YEATS2: variants seen among roughly 807,000 people sequenced by gnomAD.
The protein encoded by YEATS2 is YEATS domain containing 2.
A neutral mutation model predicts 163.2 loss-of-function variants in YEATS2; 77 were observed. The ratio of observed to expected loss-of-function variants is 0.47; its 90% CI spans 0.39 to 0.57. The LOEUF is 0.57. YEATS2 is among the 20% of genes least tolerant of loss of function. The pLI is 0.00. For missense variants in YEATS2, 1,549 were observed against 1,729.8 expected (o/e 0.90, Z 1.85); for synonymous variants, 631 against 645.1 (o/e 0.98, Z 0.33).
chr3:183,725,606 T>G (rs572748314), intron 6 of YEATS2, among the ~76,000 whole-genome samples: 2 of 152,160 alleles, frequency 1.3e-5, no homozygotes, highest in Non-Finnish European at 2.9e-5. Flanking sequence ...TATAAAACTG[T>G]CAGATCTTAT....
chr3:183,758,669 G>T (rs1343712411), intron 12 of YEATS2, among the ~76,000 whole-genome samples, 193 bp from the exon 13 acceptor site: 1 of 150,194 alleles, frequency 6.7e-6, no homozygotes, highest in African/African-American at 2.4e-5. Context: ...TTCAGGTTGA[G>T]CATGAGATCA....
intron 19 of YEATS2, among the ~76,000 whole-genome samples, chr3:183,782,234 C>T (rs1431389146): frequency 2.0e-5 from 3 of 152,014 alleles, no homozygotes; most frequent in East Asian, 3.9e-4. Flanking sequence ...CTCAGCCTCC[C>T]GAGTAGCTGG....
At position 183,810,844 on chromosome 3, in the gene YEATS2, T is replaced by G. The variant is rs894706166; in HGVS notation, c.*261T>G. 1 of 456,998 alleles carries G rather than the reference T, an allele frequency of 2.2e-6. No homozygotes were observed. Among genetic ancestry groups the G allele is most frequent in the Non-Finnish European group, 4.0e-6 (1 of 248,066 alleles). 28.3% of individuals were successfully genotyped at this position (456,998 alleles called of 1,614,324 possible). On this transcript the variant is annotated 3_prime_UTR_variant, in exon 31 of 31. Coordinates refer to ENST00000305135, the MANE Select transcript of YEATS2 (RefSeq NM_018023.5). ...TGTCGGCCAGCGTTTCTGCAGTCTT[T>G]GTAAAGGCCCCACGAGAGCGGGCCA...
intron 21 of YEATS2, among the ~76,000 whole-genome samples, chr3:183,795,778 C>G (rs375468471): frequency 1.3e-5 from 2 of 152,020 alleles, no homozygotes; most frequent in Admixed American, 6.6e-5. Context: ...CATAAAAATA[C>G]GGGAACTTCA....
At chr3:183,757,777 T>A (rs901681607) in intron 12 of YEATS2, among the ~76,000 whole-genome samples, 6 of 152,104 alleles carry the variant, frequency 3.9e-5, no homozygotes, top group African/African-American at 1.4e-4. Context: ...GCAGTTTTTT[T>A]TTTTTTTGGA....
At chr3:183,745,721 C>T (rs1205923575) in intron 8 of YEATS2, among the ~76,000 whole-genome samples, 1 of 152,140 alleles carries the variant, frequency 6.6e-6, no homozygotes, top group Non-Finnish European at 1.5e-5. Context: ...TAGTCATTTA[C>T]TCTCTCCTTA....
At chr3:183,728,255 T>A (rs1717330269) in intron 6 of YEATS2, among the ~76,000 whole-genome samples, 1 of 152,114 alleles carries the variant, frequency 6.6e-6, no homozygotes. Flanking sequence ...TTAGGTGGGA[T>A]GATTGTAGTT....
intron 20 of YEATS2, among the ~76,000 whole-genome samples, chr3:183,789,195 T>A (rs1177130479): frequency 1.3e-5 from 2 of 152,182 alleles, no homozygotes; most frequent in Non-Finnish European, 2.9e-5. Context: ...AGGAAATCTT[T>A]GCCCAAACCG....
chr3:183,712,879 G>T (rs925040638), intron 1 of YEATS2, among the ~76,000 whole-genome samples: 7 of 151,868 alleles, frequency 4.6e-5, no homozygotes, highest in African/African-American at 1.7e-4. Flanking sequence ...TCCTGCCTTA[G>T]CCTCACAAGT....
chr3:183,700,460 A>G (rs76222311), intron 1 of YEATS2, among the ~76,000 whole-genome samples: 1,552 of 152,046 alleles, frequency 0.01, 23 homozygotes, highest in African/African-American at 0.034. Context: ...ATTGTTCCCT[A>G]TCTCCCTGCC....
At chr3:183,733,829 G>A (rs965782622) in intron 7 of YEATS2, among the ~76,000 whole-genome samples, 3 of 152,024 alleles carry the variant, frequency 2.0e-5, no homozygotes, top group South Asian at 2.1e-4. Flanking sequence ...CCTAAAAGCC[G>A]TGATTGTGAA....
chr3:183,780,478 G>A (rs75092274), intron 19 of YEATS2, among the ~76,000 whole-genome samples: 4,864 of 152,260 alleles, frequency 0.032, 122 homozygotes, highest in Non-Finnish European at 0.051. Flanking sequence ...TCTGTTTTTC[G>A]TAGTTGCTTG....
intron 20 of YEATS2, among the ~76,000 whole-genome samples, chr3:183,787,312 T>C (rs900991855): frequency 3.3e-5 from 5 of 152,186 alleles, no homozygotes; most frequent in African/African-American, 2.4e-5. Flanking sequence ...GTGGCTACAT[T>C]ATTTTAGATT....
At position 183,747,622 on chromosome 3, in the gene YEATS2, T is replaced by C. The variant is rs182252669; in HGVS notation, c.925-50T>C. On this transcript the variant is annotated intron_variant, in intron 8 of 30. Coordinates refer to ENST00000305135, the MANE Select transcript of YEATS2 (RefSeq NM_018023.5). ...ATAAAGATTGTATCCTATGATAATA[T>C]GTAAGTAAGTGCAGTGAAATTTAAC... 2.7e-4 allele frequency: 403 copies of C among 1,507,892 alleles called. No individual in the cohort carries two copies. The African/African-American group carries it at 5.0e-3, about 19-fold the overall frequency. 93.4% of individuals were successfully genotyped at this position (1,507,892 alleles called of 1,614,324 possible). A position where few individuals can be genotyped will look rare whatever the true frequency, so the allele number is the denominator to read the frequency against.
At chr3:183,716,402 G>C (rs1405045290) in intron 2 of YEATS2, among the ~76,000 whole-genome samples, 2 of 152,210 alleles carry the variant, frequency 1.3e-5, no homozygotes, top group Non-Finnish European at 2.9e-5. Flanking sequence ...AGGATCCGTA[G>C]AGTGGAAATG....
chr3:183,794,721 A>G (rs181151471), intron 21 of YEATS2, among the ~76,000 whole-genome samples: 4 of 152,354 alleles, frequency 2.6e-5, no homozygotes, highest in Admixed American at 1.3e-4. Flanking sequence ...GCCAAAGTCA[A>G]AAACTCCAAA....
chr3:183,723,145 A>G (rs1001118068), intron 5 of YEATS2, among the ~76,000 whole-genome samples: 1 of 152,242 alleles, frequency 6.6e-6, no homozygotes, highest in Non-Finnish European at 1.5e-5. Flanking sequence ...GAGACTTTAT[A>G]TTCTAAGATG....
intron 12 of YEATS2, among the ~76,000 whole-genome samples, chr3:183,758,342 G>A (rs1720976081): frequency 6.7e-6 from 1 of 149,458 alleles, no homozygotes; most frequent in Non-Finnish European, 1.5e-5. Flanking sequence ...GGGTGACAGA[G>A]CGAGACTCCA....
rs1167344577 is a variant in YEATS2, at chr3:183,806,980, C to T, written c.3899C>T (p.Ser1300Phe). Residue 1300 changes from serine (S) to phenylalanine (F), a missense_variant, in exon 28 of 31, where the codon TCC becomes TTC. Physicochemically the swap from Ser to Phe is radical, Grantham distance 155. Transcript: ENST00000305135. ...NEEEVDILSL[S>F]EPVKINIKKE... ...GAGGAGGTGGACATCCTCAGCCTCT[C>T]CGAGCCAGTGAAGATAAACATCAAG... The T allele has an allele frequency of 6.2e-7, 1 of 1,613,968 alleles. No individual in the cohort carries two copies. The highest frequency in any genetic ancestry group is 8.5e-7 in the Non-Finnish European group (1 of 1,180,028).
Sources: allele counts gnomAD v4.1 joint callset (sites outside exome capture counted in the v4.1 genomes callset), GRCh38; gene constraint gnomAD v4.1.1; transcripts MANE v1.5; gene names NCBI Gene and HGNC (gene_info 2026-07-23, HGNC 2026-07-21).